The following DENND1B variants were observed in gnomAD, a reference collection of about 807,000 sequenced individuals.
DENND1B encodes DENN domain-containing protein 1B.
A neutral mutation model predicts 90.1 loss-of-function variants in DENND1B; 59 were observed. The observed-to-expected ratio is 0.65, with a 90% confidence interval of 0.53 to 0.81. DENND1B has a LOEUF of 0.81. Ranked by LOEUF, DENND1B falls within the 40% of genes least tolerant of loss-of-function variation. DENND1B has a pLI of 0.00. For synonymous variants in DENND1B, 337 were observed against 324.6 expected (o/e 1.04, Z -0.41); for missense variants, 862 against 912.6 (o/e 0.94, Z 0.71).
intron 15 of DENND1B, among the ~76,000 whole-genome samples, chr1:197,579,990 A>G (rs985914574): frequency 6.6e-6 from 1 of 151,644 alleles, no homozygotes; most frequent in Non-Finnish European, 1.5e-5. Flanking sequence ...CAATACTTAA[A>G]GTCTTTGCAA....
chr1:197,666,697 C>A (rs1356651983), intron 5 of DENND1B, among the ~76,000 whole-genome samples: 4 of 152,208 alleles, frequency 2.6e-5, no homozygotes, highest in African/African-American at 9.6e-5. Flanking sequence ...AGTTGATCTT[C>A]TCTCATATAC....
At chr1:197,632,432 C>A (rs529890551) in intron 10 of DENND1B, among the ~76,000 whole-genome samples, 1 of 152,010 alleles carries the variant, frequency 6.6e-6, no homozygotes, top group Non-Finnish European at 1.5e-5. Flanking sequence ...AAATTCCTTT[C>A]GAGAATGAGG....
chr1:197,625,404 CA>C (rs1238552943), intron 10 of DENND1B, among the ~76,000 whole-genome samples: 1 of 152,064 alleles, frequency 6.6e-6, no homozygotes, highest in Non-Finnish European at 1.5e-5. Context: ...ATTTCATATC[CA>C]GCCAAACTAA....
At chr1:197,577,761 G>A (rs6428410) in intron 15 of DENND1B, among the ~76,000 whole-genome samples, 121,678 of 152,072 alleles carry the variant, frequency 0.8, 48,805 homozygotes, top group East Asian at 0.87. Flanking sequence ...TCCATTACCT[G>A]AAGAGAAATT....
chr1:197,557,429 A>C lies in DENND1B; in HGVS notation c.1150-4317T>G, dbSNP rs560346162. ...ATAAGTGGAACAGTTCAAGTCTAAA[A>C]AGCGATAAATCCCAAAACTATTTAC... On this transcript the variant is annotated intron_variant, in intron 15 of 22. Transcript: ENST00000620048. Among the ~76,000 whole-genome samples the C allele has an allele frequency of 3.3e-5, 5 of 152,012 alleles. No individual in the cohort carries two copies. The South Asian group carries it at 1.0e-3, about 31-fold the overall frequency.
chr1:197,542,403 A>G (rs1275931502), intron 18 of DENND1B, among the ~76,000 whole-genome samples: 1 of 152,210 alleles, frequency 6.6e-6, no homozygotes, highest in Non-Finnish European at 1.5e-5. Flanking sequence ...ACACATATTC[A>G]GTATTTCTGT....
intron 2 of DENND1B, among the ~76,000 whole-genome samples, chr1:197,758,648 T>C (rs1654612633): frequency 6.6e-6 from 1 of 152,154 alleles, no homozygotes; most frequent in Non-Finnish European, 1.5e-5. Context: ...CAACTCTCGG[T>C]CCAGTATCTT....
upstream of DENND1B, among the ~76,000 whole-genome samples, chr1:197,780,328 T>C (rs1018943138): frequency 7.8e-6 from 1 of 127,546 alleles, no homozygotes; most frequent in Admixed American, 7.5e-5. Flanking sequence ...GTGGCTTTTC[T>C]TTTTTTTTTT....
intron 2 of DENND1B, chr1:197,735,781 T>G: frequency 1.2e-6 from 2 of 1,611,572 alleles, no homozygotes; most frequent in Non-Finnish European, 1.7e-6. Flanking sequence ...CCTCGGCAGA[T>G]AAGCTGGACT....
chr1:197,618,738 A>T (rs998476004), intron 10 of DENND1B, among the ~76,000 whole-genome samples: 1 of 151,126 alleles, frequency 6.6e-6, no homozygotes, highest in African/African-American at 2.4e-5. Context: ...TTTCAAGGTT[A>T]CCGATTAAAT....
chr1:197,781,852 G>A, the DENND1B span, among the ~76,000 whole-genome samples: 1 of 152,164 alleles, frequency 6.6e-6, no homozygotes, highest in Non-Finnish European at 1.5e-5. Flanking sequence ...ATGGGTCGAT[G>A]ATGATATTTG....
chr1:197,578,876 T>C (rs1389776720), intron 15 of DENND1B, among the ~76,000 whole-genome samples: 1 of 152,016 alleles, frequency 6.6e-6, no homozygotes. Context: ...GGGACCTCCC[T>C]AGTTAGCCTC....
intron 20 of DENND1B, among the ~76,000 whole-genome samples, chr1:197,520,829 T>C (rs1668721787): frequency 6.6e-6 from 1 of 151,888 alleles, no homozygotes; most frequent in African/African-American, 2.4e-5. Context: ...TAAACACACA[T>C]AATTGTAAAA....
At chr1:197,680,085 C>A (rs1331188830) in intron 3 of DENND1B, among the ~76,000 whole-genome samples, 1 of 151,926 alleles carries the variant, frequency 6.6e-6, no homozygotes, top group East Asian at 1.9e-4. Context: ...TGGAGGTGAT[C>A]GCACTACTTG....
intron 15 of DENND1B, among the ~76,000 whole-genome samples, chr1:197,554,384 T>A (rs1671521355): frequency 6.6e-6 from 1 of 151,812 alleles, no homozygotes; most frequent in South Asian, 2.1e-4. Flanking sequence ...CTGACCATTT[T>A]TTACCCTAGA....
chr1:197,715,065 A>G lies in DENND1B; in HGVS notation c.92T>C (p.Val31Ala). 1 of 1,611,428 alleles carries G rather than the reference A, an allele frequency of 6.2e-7. No individual in the cohort carries two copies. Among genetic ancestry groups the G allele is most frequent in the Non-Finnish European group, 8.5e-7 (1 of 1,178,434 alleles). The change falls in exon 3 of 23, where the codon GTA becomes GCA. Residue 31 changes from valine to alanine, a missense_variant. Coordinates refer to ENST00000620048, the MANE Select transcript of DENND1B (RefSeq NM_001195215.2). ...AAAGTCCTCTGGGAATTTCCACAAT[A>G]CCACAGGATCTGTAAATAATTGACA... ...CHASENEDPV[V>A]LWKFPEDFGD...
At chr1:197,622,282 A>T (rs1678243402) in intron 10 of DENND1B, among the ~76,000 whole-genome samples, 1 of 151,326 alleles carries the variant, frequency 6.6e-6, no homozygotes, top group Non-Finnish European at 1.5e-5. Flanking sequence ...CAACCTCATC[A>T]AGTACTATTA....
chr1:197,611,520 T>C (rs1369778229), intron 12 of DENND1B, among the ~76,000 whole-genome samples: 3 of 150,740 alleles, frequency 2.0e-5, no homozygotes, highest in Non-Finnish European at 4.5e-5. Context: ...CACTGATAAA[T>C]GGGAACATAA....
intron 6 of DENND1B, 38 bp downstream of exon 6, chr1:197,658,262 T>A: frequency 6.6e-7 from 1 of 1,509,546 alleles, no homozygotes; most frequent in Non-Finnish European, 9.2e-7. Flanking sequence ...GTTATAAGTA[T>A]TTTACCACAA....
Sources: allele counts gnomAD v4.1 joint callset (sites outside exome capture counted in the v4.1 genomes callset), GRCh38; gene constraint gnomAD v4.1.1; transcripts MANE v1.5; gene names NCBI Gene and HGNC (gene_info 2026-07-23, HGNC 2026-07-21).